The following TRAM2 variants were observed in gnomAD, a reference collection of about 807,000 sequenced individuals.
TRAM2 encodes the protein translocating chain-associated membrane protein 2.
In TRAM2, 12 loss-of-function variants were observed where a neutral mutation model predicts 51.0. That is an observed-to-expected ratio of 0.24 (90% CI 0.15 to 0.38). TRAM2 has a LOEUF of 0.38. TRAM2 is among the 10% of genes least tolerant of loss of function. TRAM2 has a pLI of 1.00. For missense variants in TRAM2, 361 were observed against 462.0 expected (o/e 0.78, Z 2.00); for synonymous variants, 175 against 179.4 (o/e 0.98, Z 0.20).
chr6:52,503,358 G>T (rs1766277120), intron 10 of TRAM2, 88 bp from the exon 11 acceptor site: 2 of 1,184,862 alleles, frequency 1.7e-6, no homozygotes, highest in Non-Finnish European at 2.5e-6. Flanking sequence ...CAAGGAAGGG[G>T]CCCGGGCAGC....
At chr6:52,553,717 C>G (rs1486017237) in intron 1 of TRAM2, among the ~76,000 whole-genome samples, 3 of 152,132 alleles carry the variant, frequency 2.0e-5, no homozygotes, top group Non-Finnish European at 1.5e-5. Context: ...CCAATTCTGC[C>G]CTCACTAACT....
At chr6:52,559,268 C>G (rs763896736) in intron 1 of TRAM2, among the ~76,000 whole-genome samples, 1 of 152,178 alleles carries the variant, frequency 6.6e-6, no homozygotes, top group Admixed American at 6.6e-5. Context: ...GTAACAGACG[C>G]GACGGATTAC....
At chr6:52,554,160 T>A (rs1767359653) in intron 1 of TRAM2, among the ~76,000 whole-genome samples, 1 of 151,974 alleles carries the variant, frequency 6.6e-6, no homozygotes, top group Admixed American at 6.6e-5. Flanking sequence ...CCCAGCCCTG[T>A]CCCCACCGCC....
At chr6:52,564,695 G>A (rs1204643762) in intron 1 of TRAM2, among the ~76,000 whole-genome samples, 1 of 151,046 alleles carries the variant, frequency 6.6e-6, no homozygotes, top group Non-Finnish European at 1.5e-5. Flanking sequence ...CTCAATGGAA[G>A]CAGAATCTAC....
rs111821940 is a variant in TRAM2, at chr6:52,544,153, C to T, written c.121-8307G>A. 7.2e-3 allele frequency among the ~76,000 whole-genome samples: 1,095 copies of T among 152,304 alleles called. 13 individuals are homozygous for T. The highest frequency in any genetic ancestry group is 0.024 in the African/African-American group (1,012 of 41,560). On this transcript the variant is annotated intron_variant, in intron 1 of 10. Coordinates refer to ENST00000182527, the MANE Select transcript of TRAM2 (RefSeq NM_012288.4). ...CCATCTCCGGGGGCCATAAACCAGG[C>T]CCGTCAGCAGGGCTGCAGGCCAATT...
At position 52,508,321 on chromosome 6, in the gene TRAM2, G is replaced by A; in HGVS notation, c.471-3C>T. ...GGTAGAAAAACTTCACCTGGAAGCT[G>A]GAGACAAGGGGGCAAGTCACACGGG... On this transcript the variant is annotated splice_region_variant and splice_polypyrimidine_tract_variant and intron_variant, in intron 5 of 10. Transcript: ENST00000182527. The A allele has an allele frequency of 3.7e-6, 6 of 1,613,490 alleles. No homozygotes were observed. The highest frequency in any genetic ancestry group is 2.5e-6 in the Non-Finnish European group (3 of 1,179,972).
At chr6:52,572,118 T>C (rs1767689599) in intron 1 of TRAM2, among the ~76,000 whole-genome samples, 1 of 152,198 alleles carries the variant, frequency 6.6e-6, no homozygotes, top group Non-Finnish European at 1.5e-5. Flanking sequence ...GTTGCTCATA[T>C]CATGGAGACA....
intron 1 of TRAM2, among the ~76,000 whole-genome samples, chr6:52,539,289 T>C (rs568129011): frequency 2.0e-5 from 3 of 152,352 alleles, no homozygotes; most frequent in Admixed American, 2.0e-4. Context: ...GAGTGTCGCC[T>C]TGTTTGGCCT....
intron 1 of TRAM2, among the ~76,000 whole-genome samples, chr6:52,547,602 C>T (rs921336137): frequency 2.6e-5 from 4 of 152,166 alleles, no homozygotes; most frequent in Admixed American, 2.6e-4. Flanking sequence ...TCTTTTGAAC[C>T]GATGCTACAC....
At chr6:52,507,826 C>T (rs1398182255) in intron 6 of TRAM2, among the ~76,000 whole-genome samples, 2 of 152,168 alleles carry the variant, frequency 1.3e-5, no homozygotes, top group African/African-American at 4.8e-5. Context: ...CAAATTCCAG[C>T]AGCCTTGGGT....
chr6:52,503,527 G>C (rs1766281736), intron 10 of TRAM2, among the ~76,000 whole-genome samples: 1 of 151,822 alleles, frequency 6.6e-6, no homozygotes, highest in Admixed American at 6.5e-5. Context: ...ACTTTAGCAG[G>C]AGGGGCCTGG....
At position 52,576,880 on chromosome 6, in the gene TRAM2, G is replaced by C; in HGVS notation, c.36C>G (p.Leu12=). 1 of 1,613,682 alleles carries C rather than the reference G, an allele frequency of 6.2e-7. No homozygotes were observed. Among genetic ancestry groups the C allele is most frequent in the Non-Finnish European group, 8.5e-7 (1 of 1,179,788 alleles). ...TGTGGATGACGAACTCCTGGCTGAA[G>C]AGCGGGTAACTTTTCGTCCTCCTGC... The part of the protein sequence containing the change: ...AFRRRTKSYP[L]FSQEFVIHNH... The change falls in exon 1 of 11, where the codon CTC becomes CTG. Residue 12 remains leucine (L), a synonymous_variant. Transcript: ENST00000182527.
At position 52,547,229 on chromosome 6, in the gene TRAM2, C is replaced by T. The variant is rs552936935; in HGVS notation, c.121-11383G>A. ...GACCATGGAGAGAAATGTGGTTGGA[C>T]ATGCAGAAAAACAAGGGGGCCTAGA... is the stretch of plus-strand genomic sequence containing the variant. On this transcript the variant is annotated intron_variant, in intron 1 of 10. Transcript: ENST00000182527. 5.8e-4 allele frequency among the ~76,000 whole-genome samples: 88 copies of T among 152,228 alleles called. No individual in the cohort carries two copies. The South Asian group carries it at 0.011, about 19-fold the overall frequency.
chr6:52,522,309 C>T (rs9296680), intron 2 of TRAM2, among the ~76,000 whole-genome samples: 3,765 of 152,374 alleles, frequency 0.025, 127 homozygotes, highest in African/African-American at 0.072. Flanking sequence ...GAGGCAGTGG[C>T]GTAGCTGCAT....
chr6:52,516,832 C>G, intron 2 of TRAM2, 95 bp from the exon 3 acceptor site: 1 of 922,638 alleles, frequency 1.1e-6, no homozygotes, highest in Non-Finnish European at 1.8e-6. Flanking sequence ...AATGCGCCAT[C>G]AAATGCTACC....
rs1317299421 is a variant in TRAM2 at position 52,500,904 on chromosome 6, T to C, written c.*2293A>G. The C allele has an allele frequency of 6.6e-6, 1 of 152,266 alleles. No individual in the cohort carries two copies. Among genetic ancestry groups the C allele is most frequent in the Non-Finnish European group, 1.5e-5 (1 of 68,060 alleles). The allele number at this position is 152,266 out of a possible 1,614,324, so 9.4% of individuals were successfully genotyped here. On this transcript the variant is annotated 3_prime_UTR_variant, in exon 11 of 11. Coordinates refer to ENST00000182527, the MANE Select transcript of TRAM2 (RefSeq NM_012288.4). ...CTGGACTCACCTGAGAGAGGCCTCC[T>C]GCATGTGAAGCCCTGCCAATGACAC... is the stretch of plus-strand genomic sequence containing the variant.
chr6:52,541,766 C>G (rs1319671330), intron 1 of TRAM2, among the ~76,000 whole-genome samples: 1 of 146,750 alleles, frequency 6.8e-6, no homozygotes, highest in Non-Finnish European at 1.5e-5. Flanking sequence ...CATGGCTTCT[C>G]TTTTAAAGTA....
intron 1 of TRAM2, among the ~76,000 whole-genome samples, chr6:52,562,795 A>C (rs773892041): frequency 3.3e-5 from 5 of 152,086 alleles, no homozygotes; most frequent in Admixed American, 6.5e-5. Context: ...AACTTATGAG[A>C]ACATGTGGTG....
chr6:52,511,125 T>G (rs1562476104), intron 4 of TRAM2, among the ~76,000 whole-genome samples: 1 of 152,236 alleles, frequency 6.6e-6, no homozygotes, highest in Non-Finnish European at 1.5e-5. Flanking sequence ...TTTTTTGATA[T>G]GGAGTTTTGC....
Sources: gnomAD v4.1 joint callset for allele counts (sites outside exome capture counted in the v4.1 genomes callset) on GRCh38, gnomAD v4.1.1 for gene constraint, MANE v1.5 for transcripts, NCBI Gene and HGNC (gene_info 2026-07-23, HGNC 2026-07-21) for gene names.